DPP10: variants seen among roughly 807,000 people sequenced by gnomAD.
The protein encoded by DPP10 is inactive dipeptidyl peptidase 10.
A neutral mutation model predicts 120.9 loss-of-function variants in DPP10; 33 were observed. That is an observed-to-expected ratio of 0.27 (90% CI 0.21 to 0.37). The LOEUF (loss-of-function observed/expected upper bound fraction) is 0.37, where lower values mean the gene tolerates loss of function less well. Among genes scored for constraint, DPP10 ranks in the 10% least tolerant of loss-of-function variants. DPP10 has a pLI of 1.00. For synonymous variants in DPP10, 337 were observed against 326.1 expected, an observed-to-expected ratio of 1.03 and a Z score of -0.36; for missense variants, 816 against 942.8, an observed-to-expected ratio of 0.87 and a Z score of 1.76.
intron 1 of DPP10, among the ~76,000 whole-genome samples, chr2:114,796,365 C>A (rs766246851): frequency 6.6e-6 from 1 of 152,096 alleles, no homozygotes; most frequent in South Asian, 2.1e-4. Flanking sequence ...ACAATGTCAA[C>A]TTATGGTATC....
chr2:115,663,917 C>T (rs1038697119), intron 5 of DPP10, among the ~76,000 whole-genome samples: 11 of 151,910 alleles, frequency 7.2e-5, no homozygotes, highest in African/African-American at 2.7e-4. Flanking sequence ...ATTGCTTGAA[C>T]CCGGGAGGCA....
At chr2:115,789,661 T>G (rs1683726663) in intron 17 of DPP10, among the ~76,000 whole-genome samples, 1 of 152,162 alleles carries the variant, frequency 6.6e-6, no homozygotes, top group Non-Finnish European at 1.5e-5. Context: ...TAAAACTGTG[T>G]TTATCTGCAG....
At chr2:114,507,549 T>C (rs745467758) in intron 1 of DPP10, among the ~76,000 whole-genome samples, 8 of 152,210 alleles carry the variant, frequency 5.3e-5, no homozygotes, top group South Asian at 2.1e-4. Flanking sequence ...AAAAGTCCAG[T>C]ATCACTGTGA....
chr2:115,590,060 C>T (rs2082537016), intron 5 of DPP10, among the ~76,000 whole-genome samples: 1 of 151,210 alleles, frequency 6.6e-6, no homozygotes, highest in African/African-American at 2.4e-5. Flanking sequence ...CATTGGTTAG[C>T]CAAAGGAGCA....
intron 1 of DPP10, among the ~76,000 whole-genome samples, chr2:115,240,190 A>G (rs562529446): frequency 1.4e-4 from 21 of 152,326 alleles, no homozygotes; most frequent in Non-Finnish European, 2.6e-4. Context: ...TGTCTTCCAC[A>G]GTTGTTGAAC....
At chr2:115,769,070 T>A (rs2149815037) in intron 13 of DPP10, among the ~76,000 whole-genome samples, 1 of 152,188 alleles carries the variant, frequency 6.6e-6, no homozygotes, top group Non-Finnish European at 1.5e-5. Context: ...TAGTTTAAAT[T>A]TGACAAGGTT....
Position 114,761,183 on chromosome 2 carries a change from T to A in DPP10, c.60+318345T>A, listed in dbSNP as rs576061182. ...CTTTGTGCTTTTCTTTCTGCCAGTG[T>A]ACAGTATTCCAATGAGTGCTAATTA... On this transcript the variant is annotated intron_variant, in intron 1 of 25. Coordinates refer to ENST00000410059, the MANE Select transcript of DPP10 (RefSeq NM_020868.6). Among the ~76,000 whole-genome samples the A allele has an allele frequency of 8.5e-5, 13 of 152,320 alleles. No individual in the cohort carries two copies. The East Asian group carries it at 2.5e-3, about 29-fold the overall frequency.
At chr2:115,346,566 C>T (rs946716925) in intron 3 of DPP10, among the ~76,000 whole-genome samples, 1 of 152,104 alleles carries the variant, frequency 6.6e-6, no homozygotes, top group Non-Finnish European at 1.5e-5. Context: ...CGGCCTTACC[C>T]CAAGTCTGCT....
chr2:114,526,156 G>A (rs887013469), intron 1 of DPP10, among the ~76,000 whole-genome samples: 27 of 152,162 alleles, frequency 1.8e-4, no homozygotes, highest in African/African-American at 6.3e-4. Flanking sequence ...CATTTCTGGG[G>A]CACTGGCTGC....
Position 115,842,204 on chromosome 2 carries a change from A to G in DPP10, c.2257-7A>G. 3.1e-6 allele frequency: 5 copies of G among 1,588,726 alleles called. No homozygotes were observed. The highest frequency in any genetic ancestry group is 4.3e-6 in the Non-Finnish European group (5 of 1,162,534). ...ATTTGAAATCTTCTTTCTCCTCAAT[A>G]TCTTAGGTCTACCCAGATGAAGGTC... On this transcript the variant is annotated splice_polypyrimidine_tract_variant and splice_region_variant and intron_variant, in intron 25 of 25. Coordinates refer to ENST00000410059, the MANE Select transcript of DPP10 (RefSeq NM_020868.6).
chr2:114,567,493 T>C (rs1042773840), intron 1 of DPP10, among the ~76,000 whole-genome samples: 1 of 152,004 alleles, frequency 6.6e-6, no homozygotes, highest in African/African-American at 2.4e-5. Flanking sequence ...ATTTTGAAGA[T>C]GAAGCAAGGG....
chr2:115,266,782 C>T (rs1357297703), intron 1 of DPP10, among the ~76,000 whole-genome samples: 1 of 152,038 alleles, frequency 6.6e-6, no homozygotes, highest in Non-Finnish European at 1.5e-5. Context: ...TTTCAAAAGA[C>T]TAAATAGCAT....
At chr2:114,461,746 T>C in intron 1 of DPP10, 1 of 985,452 alleles carries the variant, frequency 1.0e-6, no homozygotes. Flanking sequence ...AATTAAACAG[T>C]CTGGGGCTCA....
At chr2:115,532,001 A>T (rs979579900) in intron 5 of DPP10, among the ~76,000 whole-genome samples, 1 of 152,124 alleles carries the variant, frequency 6.6e-6, no homozygotes, top group Non-Finnish European at 1.5e-5. Context: ...ATTCCATTGC[A>T]CATATCACAA....
chr2:115,027,802 T>A (rs1223424073), intron 1 of DPP10, among the ~76,000 whole-genome samples: 1 of 152,100 alleles, frequency 6.6e-6, no homozygotes, highest in Non-Finnish European at 1.5e-5. Flanking sequence ...CATTATTGGT[T>A]TATTGAGGTT....
intron 17 of DPP10, among the ~76,000 whole-genome samples, chr2:115,787,531 G>A (rs887445727): frequency 6.6e-6 from 1 of 152,190 alleles, no homozygotes; most frequent in Non-Finnish European, 1.5e-5. Context: ...AACAATATCA[G>A]TGGAAAATTT....
intron 1 of DPP10, among the ~76,000 whole-genome samples, chr2:115,261,706 A>G (rs773390842): frequency 2.6e-5 from 4 of 152,220 alleles, no homozygotes; most frequent in Admixed American, 6.5e-5. Flanking sequence ...AGTGGTTACT[A>G]TGAAGTTTTT....
At chr2:115,251,153 A>G (rs926778486) in intron 1 of DPP10, among the ~76,000 whole-genome samples, 2 of 152,190 alleles carry the variant, frequency 1.3e-5, no homozygotes, top group African/African-American at 4.8e-5. Context: ...TGCTATCTTT[A>G]TCTTGATTGG....
At chr2:115,501,223 C>G (rs964167400) in intron 4 of DPP10, among the ~76,000 whole-genome samples, 1 of 152,064 alleles carries the variant, frequency 6.6e-6, no homozygotes, top group Non-Finnish European at 1.5e-5. Flanking sequence ...CTCATTTACA[C>G]AAGTCAGTGA....
Sources: gnomAD v4.1 joint callset for allele counts (sites outside exome capture counted in the v4.1 genomes callset) on GRCh38, gnomAD v4.1.1 for gene constraint, MANE v1.5 for transcripts, NCBI Gene and HGNC (gene_info 2026-07-23, HGNC 2026-07-21) for gene names.